Variants in RPL7L1 observed in about 807,000 individuals in gnomAD.
RPL7L1 encodes the protein ribosomal protein uL30-like.
RPL7L1 carries 20 observed loss-of-function variants against 30.3 expected under a neutral mutation model. The observed-to-expected ratio is 0.66, with a 90% CI of 0.46 to 0.96. RPL7L1 has a LOEUF of 0.96. Among genes scored for constraint, RPL7L1 ranks in the 40% least tolerant of loss-of-function variants. RPL7L1 has a pLI of 0.00. For missense variants in RPL7L1, 271 were observed against 314.9 expected (o/e 0.86, Z 1.05); for synonymous variants, 107 against 110.1 (o/e 0.97, Z 0.18).
chr6:42,881,451 C>G (rs1417110409), intron 2 of RPL7L1: 1 of 151,278 alleles, frequency 6.6e-6, no homozygotes, highest in Non-Finnish European at 1.5e-5. Context: ...GGCGACAGAG[C>G]GAGACACTCT....
chr6:42,884,596 G>C lies in RPL7L1; in HGVS notation c.312-17G>C, dbSNP rs762982775. Reference sequence around the variant, plus strand: ...ACTGGAGGGAGTCTGTCTGACTTCTGTTGCTGTTCATTTCAGGATTGACGG... The same window carrying C: ...ACTGGAGGGAGTCTGTCTGACTTCTCTTGCTGTTCATTTCAGGATTGACGG... On this transcript the variant is annotated splice_polypyrimidine_tract_variant and intron_variant, in intron 3 of 5. Transcript: ENST00000493763. 6.2e-7 allele frequency: 1 copy of C among 1,610,234 alleles called. No homozygotes were observed. Among genetic ancestry groups the C allele is most frequent in the Non-Finnish European group, 8.5e-7 (1 of 1,178,458 alleles).
In RPL7L1 at chr6:42,886,293, T is replaced by C. The variant is rs1283346445; in HGVS notation, c.597T>C (p.His199=). The change falls in exon 6 of 6, where the codon CAT becomes CAC. Residue 199 remains histidine, a synonymous_variant. Coordinates refer to ENST00000493763, the MANE Select transcript of RPL7L1 (RefSeq NM_001366481.3). The stretch of plus-strand genomic sequence containing the variant: ...TCATTTGCTTGGAAGACCTCATTCA[T>C]GAAATTGCCTTCCCAGGGAAGCATT... ...FGVICLEDLI[H]EIAFPGKHFQ... is the part of the protein sequence containing the mutation. 1.2e-6 allele frequency: 2 copies of C among 1,611,610 alleles called. No individual in the cohort carries two copies. Among genetic ancestry groups the C allele is most frequent in the Non-Finnish European group, 8.5e-7 (1 of 1,179,902 alleles).
intron 4 of RPL7L1, 67 bp from the exon 5 acceptor site, chr6:42,885,907 C>T: frequency 1.2e-6 from 1 of 834,434 alleles, no homozygotes; most frequent in Non-Finnish European, 2.1e-6. Flanking sequence ...ACCTCTCAGC[C>T]AGGCTGCAGG....
Position 42,886,061 on chromosome 6 carries a change from T to C in RPL7L1, c.537T>C (p.Asn179=), listed in dbSNP as rs774842700. The C allele has an allele frequency of 6.2e-7, 1 of 1,601,124 alleles. No homozygotes were observed. Among genetic ancestry groups the C allele is most frequent in the South Asian group, 1.1e-5 (1 of 90,860 alleles). ...VKNKTIPLTD[N]TVIEEHLGKF... is the part of the protein sequence containing the mutation. ...ATAAGACCATCCCTCTGACAGACAA[T>C]ACAGTGATTGAGGAGCACCTGGGTG... The change falls in exon 5 of 6, where the codon AAT becomes AAC. Residue 179 remains asparagine, a synonymous_variant. Coordinates refer to ENST00000493763, the MANE Select transcript of RPL7L1 (RefSeq NM_001366481.3).
intron 4 of RPL7L1, among the ~76,000 whole-genome samples, chr6:42,885,276 T>A (rs1401386814): frequency 2.1e-5 from 3 of 144,204 alleles, no homozygotes; most frequent in African/African-American, 7.8e-5. Context: ...CTTGAATCCA[T>A]GAGGCAGAGG....
intron 2 of RPL7L1, 183 bp from the exon 3 acceptor site, chr6:42,883,268 C>T: frequency 4.6e-6 from 2 of 437,622 alleles, no homozygotes; most frequent in South Asian, 6.2e-5. Flanking sequence ...CCCAAGTTTC[C>T]TCAACTCCAC....
At chr6:42,880,812 C>A in intron 1 of RPL7L1, 49 bp from the exon 2 acceptor site, 1 of 1,110,134 alleles carries the variant, frequency 9.0e-7, no homozygotes, top group Non-Finnish European at 1.4e-6. Context: ...CGAGCCCGGC[C>A]AAGTGTTCTT....
rs545902085 is a variant in RPL7L1 at position 42,883,676 on chromosome 6, A to T, written c.311+62A>T. 1.3e-5 allele frequency: 18 copies of T among 1,399,092 alleles called. No individual in the cohort carries two copies. In the Admixed American group the frequency reaches 3.5e-4, roughly 28 times the overall value. The allele number at this position is 1,399,092 out of a possible 1,614,324, so 86.7% of individuals were successfully genotyped here. ...GGGCAAAGTGTTGCTTAAGCTTTAGACCCCTTTCTAGGGAGATAATATGCC... is the reference window on the plus strand; with the variant it reads ...GGGCAAAGTGTTGCTTAAGCTTTAGTCCCCTTTCTAGGGAGATAATATGCC... On this transcript the variant is annotated intron_variant, in intron 3 of 5. Transcript: ENST00000493763.
intron 2 of RPL7L1, chr6:42,882,101 T>C (rs1235552633): frequency 6.6e-6 from 1 of 151,992 alleles, no homozygotes; most frequent in Non-Finnish European, 1.5e-5. Context: ...TGTTTTGACA[T>C]GTTGGCCATG....
rs758841820 is a variant in RPL7L1, at chr6:42,880,867, A to G, written c.48A>G (p.Arg16=). 46 of 1,585,882 alleles carry G rather than the reference A, an allele frequency of 2.9e-5. No individual in the cohort carries two copies. The Middle Eastern group carries it at 5.0e-4, about 17-fold the overall frequency. The change falls in exon 2 of 6, where the codon AGA becomes AGG. Residue 16 remains arginine, a synonymous_variant. Coordinates refer to ENST00000493763, the MANE Select transcript of RPL7L1 (RefSeq NM_001366481.3). ...TCTCAATTTTCTGCATCAGGCAAAG[A>G]AAAATCCCTTTGGTTCCAGAAAATC... ...TTRKMAEQEQ[R]KIPLVPENLL... is the part of the protein sequence containing the mutation.
intron 3 of RPL7L1, 139 bp from the exon 4 acceptor site, chr6:42,884,474 C>T (rs1038432241): frequency 4.5e-6 from 3 of 672,254 alleles, no homozygotes. Context: ...ATAACCGCCT[C>T]CCACTAAACT....
chr6:42,883,250 C>T, intron 2 of RPL7L1: 1 of 423,382 alleles, frequency 2.4e-6, no homozygotes, highest in Non-Finnish European at 4.2e-6. Context: ...TTATTTTTCC[C>T]AATAATTCCC....
chr6:42,886,091 C>A lies in RPL7L1; in HGVS notation c.559+8C>A. Reference sequence around the variant, plus strand: ...TGATTGAGGAGCACCTGGGTGAGTGCTACAGCTTAGGGATCAGCTGGGGCA... The same window carrying A: ...TGATTGAGGAGCACCTGGGTGAGTGATACAGCTTAGGGATCAGCTGGGGCA... On this transcript the variant is annotated splice_region_variant and intron_variant, in intron 5 of 5. Transcript: ENST00000493763. 1 of 1,522,874 alleles carries A rather than the reference C, an allele frequency of 6.6e-7. No individual in the cohort carries two copies. Among genetic ancestry groups the A allele is most frequent in the Non-Finnish European group, 9.1e-7 (1 of 1,099,960 alleles). 94.3% of individuals were successfully genotyped at this position (1,522,874 alleles called of 1,614,324 possible). A position where few individuals can be genotyped will look rare whatever the true frequency, so the allele number is the denominator to read the frequency against.
chr6:42,881,105 T>G, intron 2 of RPL7L1, 139 bp downstream of exon 2: 1 of 616,754 alleles, frequency 1.6e-6, no homozygotes, highest in Non-Finnish European at 2.9e-6. Flanking sequence ...CTCAGTGTCC[T>G]TAAGGGGTTG....
At position 42,889,673 on chromosome 6, in the gene RPL7L1, T is replaced by G. The variant is rs550301479; in HGVS notation, c.*3209T>G. The G allele has an allele frequency of 6.6e-6, 1 of 152,396 alleles. No individual in the cohort carries two copies. The highest frequency in any genetic ancestry group is 1.5e-5 in the Non-Finnish European group (1 of 68,048). 9.4% of individuals were successfully genotyped at this position (152,396 alleles called of 1,614,324 possible). A position where few individuals can be genotyped will look rare whatever the true frequency, so the allele number is the denominator to read the frequency against. ...TTACACTAAATATGGGTACAGTGTT[T>G]CCACTCTGTCCATAAAATGGGAGCT... On this transcript the variant is annotated 3_prime_UTR_variant, in exon 6 of 6. Transcript: ENST00000493763.
chr6:42,883,249 C>A, intron 2 of RPL7L1: 1 of 416,284 alleles, frequency 2.4e-6, no homozygotes, highest in Non-Finnish European at 4.2e-6. Flanking sequence ...GTTATTTTTC[C>A]CAATAATTCC....
chr6:42,886,863 G>A lies in RPL7L1; in HGVS notation c.*399G>A, dbSNP rs9471940. 32,757 of 177,380 alleles carry A rather than the reference G, an allele frequency of 0.18. 3,342 individuals are homozygous for A. Among genetic ancestry groups the A allele is most frequent in the Middle Eastern group, 0.26 (92 of 352 alleles). 11.0% of individuals were successfully genotyped at this position (177,380 alleles called of 1,614,324 possible). A position where few individuals can be genotyped will look rare whatever the true frequency, so the allele number is the denominator to read the frequency against. Reference sequence around the variant, plus strand: ...ACAAAAATGAGCTGGGTGTGGTGGCGCGTGCCTGTAGTCCCAGCTACTCGA... The same window carrying A: ...ACAAAAATGAGCTGGGTGTGGTGGCACGTGCCTGTAGTCCCAGCTACTCGA... On this transcript the variant is annotated 3_prime_UTR_variant, in exon 6 of 6. Transcript: ENST00000493763.
intron 2 of RPL7L1, chr6:42,883,187 T>C: frequency 3.7e-6 from 1 of 269,154 alleles, no homozygotes; most frequent in South Asian, 6.9e-5. Flanking sequence ...GCGTGGAGTT[T>C]AAGGAAACTT....
At chr6:42,885,695 T>C in intron 4 of RPL7L1, 1 of 352,750 alleles carries the variant, frequency 2.8e-6, no homozygotes, top group Non-Finnish European at 5.4e-6. Context: ...GCCCCTAAGG[T>C]AAGCTAGGAC....
Sources: gnomAD v4.1 joint callset for allele counts (sites outside exome capture counted in the v4.1 genomes callset) on GRCh38, gnomAD v4.1.1 for gene constraint, MANE v1.5 for transcripts, NCBI Gene and HGNC (gene_info 2026-07-23, HGNC 2026-07-21) for gene names.